EVPL: variants seen among roughly 807,000 people sequenced by gnomAD.
EVPL encodes 210 kDa cornified envelope precursor protein.
Under a neutral mutation model 129.7 loss-of-function variants are expected in EVPL, and 94 were observed. The ratio of observed to expected loss-of-function variants is 0.72; its 90% confidence interval spans 0.61 to 0.86. EVPL has a LOEUF of 0.86. Among genes scored for constraint, EVPL ranks in the 40% least tolerant of loss-of-function variants. The pLI is 0.00. For missense variants in EVPL, 2,625 were observed against 2,721.1 expected (o/e 0.96, Z 0.79); for synonymous variants, 1,172 against 1,191.1 (o/e 0.98, Z 0.33).
At chr17:76,019,944 G>A (rs2066445973) in intron 9 of EVPL, among the ~76,000 whole-genome samples, 1 of 150,454 alleles carries the variant, frequency 6.6e-6, no homozygotes, top group Non-Finnish European at 1.5e-5. Flanking sequence ...ATCTAAACCA[G>A]CTAAACACAA....
Position 76,014,460 on chromosome 17 carries a change from G to C in EVPL, c.2339C>G (p.Pro780Arg), listed in dbSNP as rs149750332. Residue 780 changes from proline (P) to arginine (R), a missense_variant, in exon 18 of 22, where the codon CCC (proline) becomes CGC (arginine). Physicochemically the swap from Pro to Arg is moderately radical, Grantham distance 103. Around this residue, in one of 4 missense-constraint regions of EVPL, gnomAD observed 1,024 missense variants for 997.5 expected, o/e 1.03. Coordinates refer to ENST00000301607, the MANE Select transcript of EVPL (RefSeq NM_001988.4). The part of the protein sequence containing the change: ...PRSQVRPSDG[P>R]SQIAYKLQAQ... The stretch of plus-strand genomic sequence containing the variant: ...CTGCAGCTTGTAGGCGATCTGGCTG[G>C]GGCCGTCGCTGGGCCGCACCTGGCT... 937 of 1,611,744 alleles carry C rather than the reference G, an allele frequency of 5.8e-4. 3 individuals carry two copies. The East Asian group carries it at 7.8e-3, about 13-fold the overall frequency.
At chr17:76,014,699 G>T in intron 17 of EVPL, 123 bp from the exon 18 acceptor site, 1 of 1,356,150 alleles carries the variant, frequency 7.4e-7, no homozygotes, top group Non-Finnish European at 1.0e-6. Context: ...GTGGCCTGCT[G>T]TGCAGATCCC....
chr17:76,026,970 A>T, intron 1 of EVPL, 131 bp downstream of exon 1: 1 of 578,952 alleles, frequency 1.7e-6, no homozygotes, highest in Non-Finnish European at 3.0e-6. Context: ...CTTTGGCCTC[A>T]GGACACCAAA....
chr17:76,018,546 C>T lies in EVPL; in HGVS notation c.1339G>A (p.Ala447Thr), dbSNP rs750329123. Residue 447 changes from alanine to threonine, a missense_variant, in exon 12 of 22, where the codon GCC becomes ACC. Ala to Thr is a moderately conservative substitution (Grantham distance 58). Coordinates refer to ENST00000301607, the MANE Select transcript of EVPL (RefSeq NM_001988.4). Reference sequence around the variant, plus strand: ...CCGCCAGGGCCCTGCACGACCCAGGCGTGCGGGTCAGTGTTATCTACCAGC... The same window carrying T: ...CCGCCAGGGCCCTGCACGACCCAGGTGTGCGGGTCAGTGTTATCTACCAGC... ...YKLVDNTDPH[A>T]WVVQGPGGET... The T allele has an allele frequency of 1.9e-6, 3 of 1,612,590 alleles. No individual in the cohort carries two copies. Among genetic ancestry groups the T allele is most frequent in the Non-Finnish European group, 2.5e-6 (3 of 1,179,826 alleles).
At position 76,008,677 on chromosome 17, in the gene EVPL, G is replaced by A; in HGVS notation, c.4528C>T (p.Gln1510Ter). The A allele has an allele frequency of 6.2e-7, 1 of 1,612,964 alleles. No homozygotes were observed. The highest frequency in any genetic ancestry group is 1.1e-5 in the South Asian group (1 of 91,086). The change falls in exon 22 of 22, where the codon CAG becomes TAG. Residue 1510 changes from glutamine to a stop codon, truncating the protein, a stop_gained. Coordinates refer to ENST00000301607, the MANE Select transcript of EVPL (RefSeq NM_001988.4). LOFTEE classifies it low-confidence loss of function (END_TRUNC). The surrounding 1 kb of genome is among the most constrained non-coding windows in gnomAD (Gnocchi z 7.4). ...KNLQVQIDVL[Q>*]KAKSQEKTIY... The stretch of plus-strand genomic sequence containing the variant: ...GTCTTCTCCTGCGATTTGGCTTTCT[G>A]GAGGACGTCAATCTGGACCTGCAGG...
chr17:76,014,352 C>T (rs552015852), intron 18 of EVPL, 74 bp downstream of exon 18: 1 of 1,530,682 alleles, frequency 6.5e-7, no homozygotes, highest in South Asian at 1.2e-5. Context: ...CTTTGAAGCC[C>T]CTTAGAGCGC....
chr17:76,013,070 C>T lies in EVPL; in HGVS notation c.2374-981G>A, dbSNP rs2066391734. On this transcript the variant is annotated intron_variant, in intron 18 of 21. Coordinates refer to ENST00000301607, the MANE Select transcript of EVPL (RefSeq NM_001988.4). This position sits in a 1 kb window ranked among gnomAD's most constrained non-coding sequence, Gnocchi z 4.3. Reference sequence around the variant, plus strand: ...GAGAATTCATATTTCTGATAAGTCCCCAGGTGATGCTGCTACAGCTCATCC... The same window carrying T: ...GAGAATTCATATTTCTGATAAGTCCTCAGGTGATGCTGCTACAGCTCATCC... Among the ~76,000 whole-genome samples, 1 of 151,928 alleles carries T rather than the reference C, an allele frequency of 6.6e-6. No homozygotes were observed. The highest frequency in any genetic ancestry group is 1.5e-5 in the Non-Finnish European group (1 of 67,980).
Position 76,015,243 on chromosome 17 carries a change from C to A in EVPL, c.2012G>T (p.Arg671Met), listed in dbSNP as rs762102763. The A allele has an allele frequency of 5.6e-6, 9 of 1,597,588 alleles. No homozygotes were observed. In the South Asian group the frequency reaches 8.9e-5, roughly 16 times the overall value. The change falls in exon 16 of 22, where the codon AGG becomes ATG. Residue 671 changes from arginine to methionine, a missense_variant. Transcript: ENST00000301607. ...GTCCCTTACCTGCAGCTCGCTGACC[C>A]TCTCCTGCAGAGCCCCCGGTTCAGC... ...IPAEPGALQE[R>M]VSELQRQRRE...
rs2066360874 is a variant in EVPL, at chr17:76,009,840, T to A, written c.3365A>T (p.Asp1122Val). 1 of 1,613,950 alleles carries A rather than the reference T, an allele frequency of 6.2e-7. No homozygotes were observed. Among genetic ancestry groups the A allele is most frequent in the Non-Finnish European group, 8.5e-7 (1 of 1,179,978 alleles). ...AVAKLQARIE[D>V]LERAISSVEP... ...CACCGAGCTGATAGCCCGCTCCAGGTCTTCGATGCGAGCCTGTAGCTTGGC... is the reference window on the plus strand; with the variant it reads ...CACCGAGCTGATAGCCCGCTCCAGGACTTCGATGCGAGCCTGTAGCTTGGC... Residue 1122 changes from aspartate (D) to valine (V), a missense_variant, in exon 22 of 22, where the codon GAC (aspartate) becomes GTC (valine). By Grantham distance (152) the Asp-to-Val change is radical. This residue lies in a region of EVPL where 1,453 missense variants were observed against 1,511.8 expected (regional missense o/e 0.96). Coordinates refer to ENST00000301607, the MANE Select transcript of EVPL (RefSeq NM_001988.4). This position sits in a 1 kb window ranked among gnomAD's most constrained non-coding sequence, Gnocchi z 5.9.
In EVPL at chr17:76,008,495, C is replaced by T; in HGVS notation, c.4710G>A (p.Leu1570=). 1 of 1,601,952 alleles carries T rather than the reference C, an allele frequency of 6.2e-7. No individual in the cohort carries two copies. Among genetic ancestry groups the T allele is most frequent in the Non-Finnish European group, 8.5e-7 (1 of 1,178,142 alleles). The change falls in exon 22 of 22, where the codon CTG becomes CTA. Residue 1570 remains leucine, a synonymous_variant. Coordinates refer to ENST00000301607, the MANE Select transcript of EVPL (RefSeq NM_001988.4). The surrounding 1 kb of genome is among the most constrained non-coding windows in gnomAD (Gnocchi z 7.4). ...ACTCCTCCCGGGACCAGGTTCTCCC[C>T]AGCGTCTCGGCCCGGTCAATGCGCT... is the stretch of plus-strand genomic sequence containing the variant. ...LRERIDRAET[L]GRTWSREESE... is the part of the protein sequence containing the mutation.
At position 76,022,513 on chromosome 17, in the gene EVPL, C is replaced by G; in HGVS notation, c.506G>C (p.Gly169Ala). The G allele has an allele frequency of 1.2e-6, 2 of 1,610,102 alleles. No homozygotes were observed. The highest frequency in any genetic ancestry group is 1.7e-6 in the Non-Finnish European group (2 of 1,178,686). The change falls in exon 5 of 22, where the codon GGG (glycine) becomes GCG (alanine). Residue 169 changes from glycine (G) to alanine (A), a missense_variant. By Grantham distance (60) the Gly-to-Ala change is moderately conservative. Coordinates refer to ENST00000301607, the MANE Select transcript of EVPL (RefSeq NM_001988.4). This position sits in a 1 kb window ranked among gnomAD's most constrained non-coding sequence, Gnocchi z 5.6. ...KQKQVCAGQY[G>A]PGMAELEQQI... ...TTGCTCCAGCTCCGCCATGCCCGGC[C>G]CGTACTGGCCTGCGCAGACCTGCTT...
chr17:76,014,828 C>T, intron 17 of EVPL, 88 bp downstream of exon 17: 1 of 1,359,708 alleles, frequency 7.4e-7, no homozygotes. Context: ...GACGTGAAGT[C>T]ACTAGCCCAG....
Position 76,013,148 on chromosome 17 carries a change from C to T in EVPL, c.2374-1059G>A, listed in dbSNP as rs776781719. 6.6e-6 allele frequency among the ~76,000 whole-genome samples: 1 copy of T among 152,194 alleles called. No homozygotes were observed. Among genetic ancestry groups the T allele is most frequent in the Non-Finnish European group, 1.5e-5 (1 of 68,032 alleles). The stretch of plus-strand genomic sequence containing the variant: ...TCAATACGGGATGCCCACTTTTATT[C>T]ACCTGGGAACTTAATATACTGATGC... On this transcript the variant is annotated intron_variant, in intron 18 of 21. Coordinates refer to ENST00000301607, the MANE Select transcript of EVPL (RefSeq NM_001988.4). The surrounding 1 kb of genome is among the most constrained non-coding windows in gnomAD (Gnocchi z 4.3).
At position 76,022,391 on chromosome 17, in the gene EVPL, GAC is replaced by G. The variant is rs1007483459; in HGVS notation, c.606+20_606+21del. The G allele has an allele frequency of 6.8e-6, 11 of 1,613,086 alleles. No individual in the cohort carries two copies. In the African/African-American group the frequency reaches 1.5e-4, roughly 22 times the overall value. On this transcript the variant is annotated intron_variant, in intron 5 of 21. Transcript: ENST00000301607. This position sits in a 1 kb window ranked among gnomAD's most constrained non-coding sequence, Gnocchi z 5.6. ...ACGGGCTGGGGCTGGCCCCGGATGT[GAC>G]ATCCTCCAGGCTCACCTACCGGCCC...
Position 76,007,324 on chromosome 17 carries a change from A to G in EVPL, c.5881T>C (p.Ser1961Pro). 1 of 1,561,666 alleles carries G rather than the reference A, an allele frequency of 6.4e-7. No individual in the cohort carries two copies. Among genetic ancestry groups the G allele is most frequent in the South Asian group, 1.2e-5 (1 of 85,058 alleles). The change falls in exon 22 of 22, where the codon TCC becomes CCC. Residue 1961 changes from serine to proline, a missense_variant. Physicochemically the swap from Ser to Pro is moderately conservative, Grantham distance 74. Around this residue, in one of 4 missense-constraint regions of EVPL, gnomAD observed 1,453 missense variants for 1,511.8 expected, o/e 0.96. Transcript: ENST00000301607. The surrounding 1 kb of genome is among the most constrained non-coding windows in gnomAD (Gnocchi z 8.8). ...GCCAGCTCTTCACTGATCATCCCGG[A>G]GAGGAGGGCCTGCTGGATGGGGATG... is the stretch of plus-strand genomic sequence containing the variant. Reference protein sequence around the residue: ...GRIPIQQALLSGMISEELAQL... With the variant: ...GRIPIQQALLPGMISEELAQL...
intron 13 of EVPL, 64 bp downstream of exon 13, chr17:76,018,097 G>A (rs1352778205): frequency 1.3e-6 from 2 of 1,546,200 alleles, no homozygotes; most frequent in African/African-American, 2.7e-5. Context: ...TCACAGACCA[G>A]TCGGAAGTCG....
chr17:76,007,750 C>G lies in EVPL; in HGVS notation c.5455G>C (p.Gly1819Arg), dbSNP rs747281682. 4 of 1,612,848 alleles carry G rather than the reference C, an allele frequency of 2.5e-6. No individual in the cohort carries two copies. The highest frequency in any genetic ancestry group is 3.4e-6 in the Non-Finnish European group (4 of 1,179,116). Residue 1819 changes from glycine to arginine, a missense_variant, in exon 22 of 22, where the codon GGG becomes CGG. Transcript: ENST00000301607. This position sits in a 1 kb window ranked among gnomAD's most constrained non-coding sequence, Gnocchi z 8.8. ...TSFFSPSFSL[G>R]LGDDSFPIAG... Reference sequence around the variant, plus strand: ...ATAGGGAAGCTGTCATCACCGAGCCCGAGAGAGAAGCTGGGAGAGAAGAAA... The same window carrying G: ...ATAGGGAAGCTGTCATCACCGAGCCGGAGAGAGAAGCTGGGAGAGAAGAAA...
In EVPL at chr17:76,007,117, G is replaced by T; in HGVS notation, c.6088C>A (p.Arg2030Ser). ...CYRSASPTVP[R>S]SLR The stretch of plus-strand genomic sequence containing the variant: ...CTTGGCCCGTGTCAGCGAAGGGAGC[G>T]CGGGACGGTGGGGGAGGCGGAGCGG... Residue 2030 changes from arginine to serine, a missense_variant, in exon 22 of 22, where the codon CGC becomes AGC. Around this residue, in one of 4 missense-constraint regions of EVPL, gnomAD observed 1,453 missense variants for 1,511.8 expected, o/e 0.96. Coordinates refer to ENST00000301607, the MANE Select transcript of EVPL (RefSeq NM_001988.4). The surrounding 1 kb of genome is among the most constrained non-coding windows in gnomAD (Gnocchi z 8.8). The T allele has an allele frequency of 6.7e-7, 1 of 1,481,968 alleles. No individual in the cohort carries two copies. 91.8% of individuals were successfully genotyped at this position (1,481,968 alleles called of 1,614,324 possible).
chr17:76,023,629 T>C lies in EVPL; in HGVS notation c.224A>G (p.Gln75Arg), dbSNP rs138042169. 2,351 of 1,597,888 alleles carry C rather than the reference T, an allele frequency of 1.5e-3. 3 individuals carry two copies. The highest frequency in any genetic ancestry group is 3.8e-3 in the Middle Eastern group (19 of 4,950). Residue 75 changes from glutamine (Q) to arginine (R), a missense_variant, in exon 3 of 22, where the codon CAG (glutamine) becomes CGG (arginine). By Grantham distance (43) the Gln-to-Arg change is conservative (BLOSUM62 1). Around this residue, in one of 4 missense-constraint regions of EVPL, gnomAD observed 139 missense variants for 186.8 expected, o/e 0.74. Coordinates refer to ENST00000301607, the MANE Select transcript of EVPL (RefSeq NM_001988.4). The stretch of plus-strand genomic sequence containing the variant: ...CGTCTCCTGCTGGTGCTGCAGGGCC[T>C]GGCTCTGCTCACTGTTCAGCCGGTC... ...QQDRLNSEQS[Q>R]ALQHQQETGR...
Sources: allele counts gnomAD v4.1 joint callset (sites outside exome capture counted in the v4.1 genomes callset), GRCh38; gene constraint gnomAD v4.1.1; regional missense constraint gnomAD v4.1.1; non-coding constraint Gnocchi (gnomAD v3.1); transcripts MANE v1.5; gene names NCBI Gene and HGNC (gene_info 2026-07-23, HGNC 2026-07-21).